Variants in AP3B1 observed in about 807,000 individuals in gnomAD.
The protein encoded by AP3B1 is AP-3 complex subunit beta-1.
Under a neutral mutation model 132.5 loss-of-function variants are expected in AP3B1, and 61 were observed. That is an observed-to-expected ratio of 0.46 (90% CI 0.37 to 0.57). AP3B1 has a LOEUF of 0.57. Among genes scored for constraint, AP3B1 ranks in the 20% least tolerant of loss-of-function variants. AP3B1 has a pLI of 0.00. For synonymous variants in AP3B1, 388 were observed against 438.3 expected (o/e 0.89, Z 1.43); for missense variants, 1,120 against 1,289.4 (o/e 0.87, Z 2.01).
At chr5:78,085,909 T>C (rs1750226624) in intron 22 of AP3B1, among the ~76,000 whole-genome samples, 1 of 152,182 alleles carries the variant, frequency 6.6e-6, no homozygotes, top group Non-Finnish European at 1.5e-5. Context: ...ATAGATGTTC[T>C]TTGAGTATAT....
rs572079432 is a variant in AP3B1, at chr5:78,228,821, G to A, written c.280-582C>T. On this transcript the variant is annotated intron_variant, in intron 3 of 26. Transcript: ENST00000255194. Reference sequence around the variant, plus strand: ...TATGGTAATACTCACATTTCAACACGCATTACATGATATTTTCAGTCCAGT... The same window carrying A: ...TATGGTAATACTCACATTTCAACACACATTACATGATATTTTCAGTCCAGT... Among the ~76,000 whole-genome samples the A allele has an allele frequency of 6.6e-5, 10 of 152,286 alleles. No homozygotes were observed. In the South Asian group the frequency reaches 1.0e-3, roughly 16 times the overall value.
intron 15 of AP3B1, among the ~76,000 whole-genome samples, chr5:78,130,408 A>C (rs1206866093): frequency 6.6e-6 from 1 of 152,104 alleles, no homozygotes; most frequent in African/African-American, 2.4e-5. Context: ...CTCTTTTACA[A>C]TAATTGCTTA....
chr5:78,177,246 A>G (rs1744183623), intron 9 of AP3B1, 93 bp downstream of exon 9: 1 of 806,516 alleles, frequency 1.2e-6, no homozygotes, highest in African/African-American at 1.7e-5. Context: ...ATATAGTCAG[A>G]GTTATATATT....
At chr5:78,083,443 CA>C (rs1258974061) in intron 22 of AP3B1, among the ~76,000 whole-genome samples, 1 of 152,208 alleles carries the variant, frequency 6.6e-6, no homozygotes, top group East Asian at 1.9e-4. Context: ...TTTATTCTTA[CA>C]CACAAAATTG....
At position 78,038,826 on chromosome 5, in the gene AP3B1, T is replaced by G. The variant is rs77541448; in HGVS notation, c.2809+217A>C. 2.4e-3 allele frequency among the ~76,000 whole-genome samples: 363 copies of G among 152,310 alleles called. 2 individuals carry two copies. The highest frequency in any genetic ancestry group is 7.5e-3 in the African/African-American group (313 of 41,576). ...CTTCCATCACTACTGGTATTACTAT[T>G]ACTGGGACCTGATTCACTAAGAGCA... On this transcript the variant is annotated intron_variant, in intron 23 of 26. Transcript: ENST00000255194.
chr5:78,263,449 A>G (rs1748184745), intron 2 of AP3B1, among the ~76,000 whole-genome samples: 1 of 152,192 alleles, frequency 6.6e-6, no homozygotes, highest in Non-Finnish European at 1.5e-5. Context: ...GAATAAAAAT[A>G]ATTTTACTTC....
intron 8 of AP3B1, among the ~76,000 whole-genome samples, chr5:78,179,449 T>A (rs1744278425): frequency 6.6e-6 from 1 of 152,146 alleles, no homozygotes; most frequent in African/African-American, 2.4e-5. Context: ...ATCCAACAGT[T>A]GAAAGTCGCT....
rs1206583769 is a variant in AP3B1 at position 78,213,106 on chromosome 5, C to A, written c.786+2949G>T. 3.9e-5 allele frequency among the ~76,000 whole-genome samples: 6 copies of A among 152,080 alleles called. No individual in the cohort carries two copies. The East Asian group carries it at 1.2e-3, about 29-fold the overall frequency. On this transcript the variant is annotated intron_variant, in intron 7 of 26. Coordinates refer to ENST00000255194, the MANE Select transcript of AP3B1 (RefSeq NM_003664.5). The stretch of plus-strand genomic sequence containing the variant: ...GTGTTAGCCAGGATGGTCTTGATCT[C>A]CTGACCTCGTGATAAGCCCGCCTCA...
At chr5:78,066,787 C>G (rs1749310052) in intron 22 of AP3B1, among the ~76,000 whole-genome samples, 1 of 152,094 alleles carries the variant, frequency 6.6e-6, no homozygotes, top group Non-Finnish European at 1.5e-5. Flanking sequence ...GCAAGACAGG[C>G]CAACATGCAA....
intron 22 of AP3B1, chr5:78,088,883 C>A (rs957376979): frequency 6.4e-6 from 1 of 155,208 alleles, no homozygotes; most frequent in Non-Finnish European, 1.4e-5. Flanking sequence ...AGCCTCACTT[C>A]ACATCACATT....
intron 3 of AP3B1, among the ~76,000 whole-genome samples, chr5:78,235,890 A>G (rs1036525823): frequency 3.3e-5 from 5 of 152,242 alleles, no homozygotes; most frequent in Non-Finnish European, 7.3e-5. Context: ...TTAATGGTAG[A>G]TGACGTACAG....
At chr5:78,041,143 G>A (rs774972372) in intron 22 of AP3B1, among the ~76,000 whole-genome samples, 22 of 151,950 alleles carry the variant, frequency 1.4e-4, no homozygotes, top group East Asian at 1.9e-4. Flanking sequence ...GTATGGTGGC[G>A]CATGCCTGTA....
At chr5:78,119,782 G>C (rs1752073376) in intron 17 of AP3B1, among the ~76,000 whole-genome samples, 1 of 152,176 alleles carries the variant, frequency 6.6e-6, no homozygotes, top group African/African-American at 2.4e-5. Context: ...TATTATCCAG[G>C]AGAACTTCCC....
intron 5 of AP3B1, among the ~76,000 whole-genome samples, chr5:78,225,987 C>G (rs6864958): frequency 0.33 from 50,743 of 151,794 alleles, 8,580 homozygotes; most frequent in Middle Eastern, 0.42. Flanking sequence ...ATACATACTT[C>G]CCAAAAACAA....
rs549104174 is a variant in AP3B1 at position 78,011,103 on chromosome 5, G to A, written c.3131+4307C>T. Among the ~76,000 whole-genome samples the A allele has an allele frequency of 1.8e-3, 268 of 149,132 alleles. 1 individual carries two copies. In the South Asian group the frequency reaches 0.018, roughly 10 times the overall value. ...CTGTTGCCCAGGATGGAGTGCAGTG[G>A]ACCATCTTGGCTCACTGCAACCTCT... On this transcript the variant is annotated intron_variant, in intron 26 of 26. Coordinates refer to ENST00000255194, the MANE Select transcript of AP3B1 (RefSeq NM_003664.5).
chr5:78,245,532 T>C (rs562846329), intron 2 of AP3B1, among the ~76,000 whole-genome samples: 3 of 152,296 alleles, frequency 2.0e-5, no homozygotes, highest in African/African-American at 7.2e-5. Flanking sequence ...CCCATATTTT[T>C]ATGGCCAGTT....
At chr5:78,091,277 CAAAAA>C (rs748473899) in intron 21 of AP3B1, among the ~76,000 whole-genome samples, 6 of 79,514 alleles carry the variant, frequency 7.5e-5, no homozygotes, top group African/African-American at 2.1e-4. Flanking sequence ...ATGTATTTGA[CAAAAA>C]AAAAAAAAAA....
At chr5:78,027,550 T>G (rs1355883244) in intron 24 of AP3B1, among the ~76,000 whole-genome samples, 1 of 152,174 alleles carries the variant, frequency 6.6e-6, no homozygotes, top group Non-Finnish European at 1.5e-5. Flanking sequence ...AGCTGAATGT[T>G]AGAAGTTTGT....
At chr5:78,041,894 G>T in intron 22 of AP3B1, 1 of 191,276 alleles carries the variant, frequency 5.2e-6, no homozygotes, top group Non-Finnish European at 1.1e-5. Flanking sequence ...GCTCACTCAG[G>T]CAGCTGCAGA....
Sources: allele counts gnomAD v4.1 joint callset (sites outside exome capture counted in the v4.1 genomes callset), GRCh38; gene constraint gnomAD v4.1.1; transcripts MANE v1.5; gene names NCBI Gene and HGNC (gene_info 2026-07-23, HGNC 2026-07-21).